GRID2IP: variants seen among roughly 807,000 people sequenced by gnomAD.
GRID2IP encodes the protein delphilin.
In GRID2IP, 78 loss-of-function variants were observed where a neutral mutation model predicts 114.3. The ratio of observed to expected loss-of-function variants is 0.68; its 90% confidence interval spans 0.57 to 0.82. The LOEUF is 0.82. Among genes scored for constraint, GRID2IP ranks in the 40% least tolerant of loss-of-function variants. The pLI, the probability that GRID2IP is intolerant of heterozygous loss-of-function variation, is 0.00. For missense variants in GRID2IP, 1,727 were observed against 1,678.5 expected (o/e 1.03, Z -0.51); for synonymous variants, 809 against 724.0 (o/e 1.12, Z -1.89).
At position 6,506,849 on chromosome 7, in the gene GRID2IP, C is replaced by G. The variant is rs1022650514; in HGVS notation, c.2545-942G>C. Among the ~76,000 whole-genome samples, 1 of 151,926 alleles carries G rather than the reference C, an allele frequency of 6.6e-6. No homozygotes were observed. The highest frequency in any genetic ancestry group is 2.4e-5 in the African/African-American group (1 of 41,344). The stretch of plus-strand genomic sequence containing the variant: ...GGCATGCACCACCAGGTCTGGCTAA[C>G]TTTTTGATTTTTTTGTAGAGACAAG... On this transcript the variant is annotated intron_variant, in intron 13 of 21. Coordinates refer to ENST00000457091, the MANE Select transcript of GRID2IP (RefSeq NM_001145118.2). The surrounding 1 kb of genome is among the most constrained non-coding windows in gnomAD (Gnocchi z 5.2).
chr7:6,502,682 G>A, intron 18 of GRID2IP, 104 bp downstream of exon 18: 1 of 717,074 alleles, frequency 1.4e-6, no homozygotes, highest in Admixed American at 2.3e-5. Flanking sequence ...GCCCTCCTTG[G>A]TCACGATGTC....
chr7:6,503,070 C>A lies in GRID2IP; in HGVS notation c.3001G>T (p.Glu1001Ter). ...TCCAGGGAGGCCTGGCGCAAGCATT[C>A]AAGGCTGCCTCGGATCTCCTCTGTC... ...EKTEEIRGSL[E>*]CLRQASLELK... Residue 1001 changes from glutamate (E) to a stop codon, truncating the protein, a stop_gained, in exon 17 of 22, where the codon GAA becomes TAA. Transcript: ENST00000457091. LOFTEE classifies it high-confidence loss of function. 1 of 1,551,554 alleles carries A rather than the reference C, an allele frequency of 6.4e-7. No homozygotes were observed. The highest frequency in any genetic ancestry group is 8.7e-7 in the Non-Finnish European group (1 of 1,146,948).
chr7:6,505,830 C>A lies in GRID2IP; in HGVS notation c.2622G>T (p.Gln874His). 6.4e-7 allele frequency: 1 copy of A among 1,551,412 alleles called. No homozygotes were observed. Among genetic ancestry groups the A allele is most frequent in the Non-Finnish European group, 8.7e-7 (1 of 1,146,468 alleles). Residue 874 changes from glutamine to histidine, a missense_variant, in exon 14 of 22, where the codon CAG becomes CAT. Transcript: ENST00000457091. ...YLDLELHFGT[Q>H]KPAKPVPGPE... The stretch of plus-strand genomic sequence containing the variant: ...CATCAGGCCACTCACTAGCAGGTTT[C>A]TGGGTGCCGAAGTGGAGCTCCAGGT...
In GRID2IP at chr7:6,509,224, A is replaced by G. The variant is rs1583336811; in HGVS notation, c.1861T>C (p.Ser621Pro). The G allele has an allele frequency of 6.7e-7, 1 of 1,501,026 alleles. No homozygotes were observed. The highest frequency in any genetic ancestry group is 2.2e-5 in the Admixed American group (1 of 44,926). The allele number at this position is 1,501,026 out of a possible 1,614,324, so 93.0% of individuals were successfully genotyped here. The change falls in exon 12 of 22, where the codon TCC becomes CCC. Residue 621 changes from serine (S) to proline (P), a missense_variant. Ser to Pro is a moderately conservative substitution (Grantham distance 74). Coordinates refer to ENST00000457091, the MANE Select transcript of GRID2IP (RefSeq NM_001145118.2). The surrounding 1 kb of genome is among the most constrained non-coding windows in gnomAD (Gnocchi z 4.9). ...YHPLCSGGLA[S>P]PSSSESHPYA... ...GGGTGGGACTCAGAGCTGCTGGGGG[A>G]GGCCAGACCCCCCGAACACAGCGGG...
intron 15 of GRID2IP, among the ~76,000 whole-genome samples, chr7:6,504,376 G>A (rs1347936151): frequency 2.0e-5 from 3 of 149,908 alleles, no homozygotes; most frequent in Non-Finnish European, 4.4e-5. Context: ...CAAGGGCGGG[G>A]CCTGCGAGGG....
intron 7 of GRID2IP, among the ~76,000 whole-genome samples, chr7:6,514,818 G>A (rs183706320): frequency 1.1e-3 from 163 of 152,096 alleles, no homozygotes; most frequent in Admixed American, 6.6e-3. Flanking sequence ...CAGGTGTGGT[G>A]GTGCACACCT....
At chr7:6,531,485 C>T (rs1779622289) in intron 2 of GRID2IP, among the ~76,000 whole-genome samples, 1 of 152,242 alleles carries the variant, frequency 6.6e-6, no homozygotes, top group African/African-American at 2.4e-5. Flanking sequence ...GAAGCCCCGA[C>T]GGCCTTTGGT....
chr7:6,531,256 C>G (rs1562522286), intron 2 of GRID2IP: 2 of 413,550 alleles, frequency 4.8e-6, no homozygotes, highest in Non-Finnish European at 4.3e-6. Flanking sequence ...CGCCCTGGCC[C>G]CTTTTGGTGG....
At position 6,508,405 on chromosome 7, in the gene GRID2IP, G is replaced by A. The variant is rs1786660784; in HGVS notation, c.2128-4C>T. ...CCTGGTCATCATGGAAGCTCATCTG[G>A]TGGTGGGGAGAGAGGCAAGGGGAGG... On this transcript the variant is annotated splice_region_variant and splice_polypyrimidine_tract_variant and intron_variant, in intron 12 of 21. Transcript: ENST00000457091. The surrounding 1 kb of genome is among the most constrained non-coding windows in gnomAD (Gnocchi z 5.6). 1 of 1,551,070 alleles carries A rather than the reference G, an allele frequency of 6.4e-7. No homozygotes were observed. The highest frequency in any genetic ancestry group is 8.7e-7 in the Non-Finnish European group (1 of 1,147,066).
intron 1 of GRID2IP, among the ~76,000 whole-genome samples, chr7:6,548,327 G>A (rs570394932): frequency 2.0e-5 from 3 of 151,902 alleles, no homozygotes; most frequent in Admixed American, 6.6e-5. Flanking sequence ...TATTCCCTGG[G>A]CAACAGAGCG....
intron 1 of GRID2IP, among the ~76,000 whole-genome samples, chr7:6,548,023 G>A (rs912118521): frequency 5.3e-5 from 8 of 152,154 alleles, no homozygotes; most frequent in Non-Finnish European, 1.2e-4. Flanking sequence ...ACACAACAGG[G>A]TGACTATAGC....
Position 6,514,435 on chromosome 7 carries a change from C to G in GRID2IP, c.1363G>C (p.Glu455Gln), listed in dbSNP as rs1779251048. Residue 455 changes from glutamate to glutamine, a missense_variant, in exon 8 of 22, where the codon GAG becomes CAG. By Grantham distance (29) the Glu-to-Gln change is conservative (BLOSUM62 2). Transcript: ENST00000457091. ...TTCTCCTGACAGAGCTCCTGCTCCT[C>G]ATAGGTCAGCAGCTGGTAGATGAAC... is the stretch of plus-strand genomic sequence containing the variant. ...WQFIYQLLTY[E>Q]EQELCQEKIA... 6.5e-7 allele frequency: 1 copy of G among 1,549,700 alleles called. No homozygotes were observed. The highest frequency in any genetic ancestry group is 2.0e-5 in the Admixed American group (1 of 50,890).
chr7:6,526,589 G>T lies in GRID2IP; in HGVS notation c.765C>A (p.Pro255=). 9.2e-6 allele frequency: 11 copies of T among 1,192,976 alleles called. No homozygotes were observed. Among genetic ancestry groups the T allele is most frequent in the Non-Finnish European group, 1.0e-5 (10 of 963,836 alleles). The allele number at this position is 1,192,976 out of a possible 1,614,324, so 73.9% of individuals were successfully genotyped here. Residue 255 remains proline (P), a synonymous_variant, in exon 3 of 22, where the codon CCC becomes CCA. Transcript: ENST00000457091. The surrounding 1 kb of genome is among the most constrained non-coding windows in gnomAD (Gnocchi z 7.6). The part of the protein sequence containing the change: ...STRASAPPRR[P]DEPPPRRASL... ...AGGCCCTGCGCGGGGGCGGCTCATCGGGGCGGCGCGGCGGGGCGCTGGCGC... is the reference window on the plus strand; with the variant it reads ...AGGCCCTGCGCGGGGGCGGCTCATCTGGGCGGCGCGGCGGGGCGCTGGCGC...
chr7:6,510,737 G>A, intron 9 of GRID2IP, 31 bp from the exon 10 acceptor site: 5 of 1,536,206 alleles, frequency 3.3e-6, no homozygotes, highest in Non-Finnish European at 4.4e-6. Context: ...TACCGTATCT[G>A]AGCTCTACGG....
chr7:6,543,225 T>C (rs148928949), intron 1 of GRID2IP, among the ~76,000 whole-genome samples: 2,083 of 152,142 alleles, frequency 0.014, 31 homozygotes, highest in South Asian at 0.048. Flanking sequence ...TGAAACCCCA[T>C]CTCTACTACA....
chr7:6,500,719 C>A (rs1562510007), intron 20 of GRID2IP, among the ~76,000 whole-genome samples: 1 of 152,252 alleles, frequency 6.6e-6, no homozygotes, highest in South Asian at 2.1e-4. Flanking sequence ...AGCTCTCCCC[C>A]TTACCTAGCT....
chr7:6,505,795 C>A (rs1357709853), intron 14 of GRID2IP, 25 bp downstream of exon 14: 1 of 1,481,582 alleles, frequency 6.7e-7, no homozygotes, highest in East Asian at 2.5e-5. Flanking sequence ...ATCTGGGGTT[C>A]CCCCAAGGCC....
intron 1 of GRID2IP, among the ~76,000 whole-genome samples, chr7:6,549,697 T>C (rs937792801): frequency 1.3e-5 from 2 of 152,096 alleles, no homozygotes; most frequent in African/African-American, 4.8e-5. Context: ...CTCAGCTCAC[T>C]GCAACCTCCG....
chr7:6,501,978 AC>A lies in GRID2IP; in HGVS notation c.3280+10del. ...CATGCCTCTGCCTCCCCATCCACCC[AC>A]CCAGCATACCTTTGGCAGCCAGGGG... On this transcript the variant is annotated intron_variant, in intron 19 of 21. Coordinates refer to ENST00000457091, the MANE Select transcript of GRID2IP (RefSeq NM_001145118.2). The A allele has an allele frequency of 6.4e-7, 1 of 1,550,636 alleles. No individual in the cohort carries two copies. Among genetic ancestry groups the A allele is most frequent in the Non-Finnish European group, 8.7e-7 (1 of 1,146,600 alleles).
Sources: gnomAD v4.1 joint callset for allele counts (sites outside exome capture counted in the v4.1 genomes callset) on GRCh38, gnomAD v4.1.1 for gene constraint, Gnocchi (gnomAD v3.1) non-coding constraint, MANE v1.5 for transcripts, NCBI Gene and HGNC (gene_info 2026-07-23, HGNC 2026-07-21) for gene names.